The following GABRB1 variants were observed in gnomAD, a reference collection of about 807,000 sequenced individuals.
GABRB1 encodes gamma-aminobutyric acid receptor subunit beta-1.
Under a neutral mutation model 51.6 loss-of-function variants are expected in GABRB1, and 17 were observed. The ratio of observed to expected loss-of-function variants is 0.33; its 90% CI spans 0.23 to 0.49. The LOEUF (loss-of-function observed/expected upper bound fraction) is 0.49. GABRB1 is among the 20% of genes least tolerant of loss of function. GABRB1 has a pLI of 0.99. For synonymous variants in GABRB1, 247 were observed against 218.9 expected (o/e 1.13, Z -1.14); for missense variants, 410 against 600.6 (o/e 0.68, Z 3.32).
At chr4:47,023,317 T>TA (rs1193879371) in intron 1 of GABRB1, among the ~76,000 whole-genome samples, 1 of 152,032 alleles carries the variant, frequency 6.6e-6, no homozygotes, top group Non-Finnish European at 1.5e-5. Flanking sequence ...TAAAATAACT[T>TA]AAAGAGTGTT....
intron 1 of GABRB1, among the ~76,000 whole-genome samples, chr4:47,020,865 ACT>A (rs1724912084): frequency 6.6e-6 from 1 of 152,002 alleles, no homozygotes; most frequent in Non-Finnish European, 1.5e-5. Context: ...GAATGCTTCA[ACT>A]CTCTGACTCA....
At chr4:47,036,466 G>A (rs1299657544) in intron 3 of GABRB1, among the ~76,000 whole-genome samples, 1 of 152,146 alleles carries the variant, frequency 6.6e-6, no homozygotes, top group Non-Finnish European at 1.5e-5. Flanking sequence ...AGAGGTGTGG[G>A]ATGGGGCCTG....
chr4:47,276,762 G>A (rs1723091318), intron 4 of GABRB1, among the ~76,000 whole-genome samples: 2 of 152,184 alleles, frequency 1.3e-5, no homozygotes, highest in African/African-American at 4.8e-5. Flanking sequence ...ATAATTATTT[G>A]TTCTATACGA....
At chr4:47,031,553 G>T, upstream of GABRB1, 1 of 958,114 alleles carries the variant, frequency 1.0e-6, no homozygotes, top group Non-Finnish European at 1.7e-6. Flanking sequence ...CGCGCTCTGC[G>T]CATGCGCAGG....
chr4:47,367,697 T>C (rs1727028542), intron 5 of GABRB1, among the ~76,000 whole-genome samples: 1 of 152,214 alleles, frequency 6.6e-6, no homozygotes, highest in South Asian at 2.1e-4. Context: ...TCTTATCACA[T>C]TGCCCTGTAT....
At chr4:47,040,754 A>G (rs1186429066) in intron 3 of GABRB1, among the ~76,000 whole-genome samples, 1 of 152,206 alleles carries the variant, frequency 6.6e-6, no homozygotes, top group Non-Finnish European at 1.5e-5. Flanking sequence ...CCATAAATGT[A>G]GTGAGTGAAA....
chr4:47,060,821 G>T (rs1031845585), intron 3 of GABRB1, among the ~76,000 whole-genome samples: 1 of 152,140 alleles, frequency 6.6e-6, no homozygotes, highest in Non-Finnish European at 1.5e-5. Context: ...TGAATGTACG[G>T]TGTTGACCTT....
intron 4 of GABRB1, among the ~76,000 whole-genome samples, chr4:47,277,505 G>A (rs9997710): frequency 0.51 from 77,031 of 151,766 alleles, 20,465 homozygotes; most frequent in East Asian, 0.85. Flanking sequence ...TAAAATAAAA[G>A]GTGTAATTGA....
chr4:47,209,177 A>C (rs1435196702), intron 4 of GABRB1, among the ~76,000 whole-genome samples: 1 of 152,104 alleles, frequency 6.6e-6, no homozygotes, highest in African/African-American at 2.4e-5. Context: ...AAAGATAGCA[A>C]TGCTCAAATT....
intron 4 of GABRB1, among the ~76,000 whole-genome samples, chr4:47,287,656 T>C (rs887168063): frequency 1.4e-4 from 22 of 152,338 alleles, no homozygotes; most frequent in Admixed American, 5.2e-4. Context: ...TTTGAGTTTG[T>C]TTGGACTTAC....
intron 1 of GABRB1, among the ~76,000 whole-genome samples, chr4:47,022,235 T>C (rs1041763071): frequency 6.6e-6 from 1 of 152,122 alleles, no homozygotes; most frequent in Non-Finnish European, 1.5e-5. Flanking sequence ...TAGTAATCCT[T>C]ATGTATTTCT....
chr4:47,016,913 A>C (rs937216671), intron 1 of GABRB1, among the ~76,000 whole-genome samples: 1 of 152,122 alleles, frequency 6.6e-6, no homozygotes. Context: ...TAGTGAGCAA[A>C]ATGATGTTTT....
At chr4:47,267,342 A>G (rs1345355686) in intron 4 of GABRB1, among the ~76,000 whole-genome samples, 3 of 152,100 alleles carry the variant, frequency 2.0e-5, no homozygotes, top group African/African-American at 7.2e-5. Context: ...GCTCTTAAGG[A>G]AAAAATATCA....
chr4:47,265,905 A>G (rs1360448386), intron 4 of GABRB1, among the ~76,000 whole-genome samples: 1 of 151,668 alleles, frequency 6.6e-6, no homozygotes, highest in Non-Finnish European at 1.5e-5. Context: ...TTGTCTGTTC[A>G]CTCTGTTGAT....
chr4:47,390,296 C>A lies in GABRB1; in HGVS notation c.545-13022C>A, dbSNP rs370103565. Among the ~76,000 whole-genome samples, 14 of 152,346 alleles carry A rather than the reference C, an allele frequency of 9.2e-5. No individual in the cohort carries two copies. The East Asian group carries it at 1.9e-3, about 21-fold the overall frequency. ...CACCATGAAATTTGAGATTGGGTTA[C>A]AACTGCTCCACAACAGGACATAAAC... On this transcript the variant is annotated intron_variant, in intron 5 of 8. Coordinates refer to ENST00000295454, the MANE Select transcript of GABRB1 (RefSeq NM_000812.4).
At position 47,091,455 on chromosome 4, in the gene GABRB1, G is replaced by C. The variant is rs533506291; in HGVS notation, c.240+58971G>C. Among the ~76,000 whole-genome samples, 3 of 152,076 alleles carry C rather than the reference G, an allele frequency of 2.0e-5. No individual in the cohort carries two copies. In the East Asian group the frequency reaches 5.8e-4, roughly 29 times the overall value. Reference sequence around the variant, plus strand: ...AAAACAGAAATAATTCCTCAGAAAAGCAGCCCATTTAAAAACGCTCACTAA... The same window carrying C: ...AAAACAGAAATAATTCCTCAGAAAACCAGCCCATTTAAAAACGCTCACTAA... On this transcript the variant is annotated intron_variant, in intron 3 of 8. Coordinates refer to ENST00000295454, the MANE Select transcript of GABRB1 (RefSeq NM_000812.4).
rs375590397 is a variant in GABRB1, at chr4:47,425,680, G to C, written c.1087G>C (p.Ala363Pro). The C allele has an allele frequency of 1.2e-5, 19 of 1,594,170 alleles. No individual in the cohort carries two copies. Among genetic ancestry groups the C allele is most frequent in the Non-Finnish European group, 1.7e-6 (2 of 1,169,098 alleles). The change falls in exon 9 of 9, where the codon GCC (alanine) becomes CCC (proline). Residue 363 changes from alanine (A) to proline (P), a missense_variant. This residue lies in a region of GABRB1 where 181 missense variants were observed against 195.6 expected (regional missense o/e 0.93). Coordinates refer to ENST00000295454, the MANE Select transcript of GABRB1 (RefSeq NM_000812.4). ...CTGTTCTTTTTGCCATCAGGTCGAC[G>C]CCCACGGTAACATTCTCCTCAGCAC... ...KLEMNKVQVD[A>P]HGNILLSTLE... is the part of the protein sequence containing the mutation.
intron 3 of GABRB1, among the ~76,000 whole-genome samples, chr4:47,045,775 A>T (rs1391217274): frequency 1.3e-5 from 2 of 152,038 alleles, no homozygotes; most frequent in Non-Finnish European, 2.9e-5. Context: ...AAATGTTGTT[A>T]TATCGGAGCT....
At chr4:47,228,849 C>A (rs991565599) in intron 4 of GABRB1, among the ~76,000 whole-genome samples, 1 of 152,022 alleles carries the variant, frequency 6.6e-6, no homozygotes, top group Non-Finnish European at 1.5e-5. Context: ...AACTGAAGAG[C>A]AATTAATGGA....
Sources: gnomAD v4.1 joint callset for allele counts (sites outside exome capture counted in the v4.1 genomes callset) on GRCh38, gnomAD v4.1.1 for gene constraint, gnomAD v4.1.1 regional missense constraint, MANE v1.5 for transcripts, NCBI Gene and HGNC (gene_info 2026-07-23, HGNC 2026-07-21) for gene names.